Variants in MED15 observed in about 807,000 individuals in gnomAD.
MED15 encodes the protein mediator complex subunit 15, also known as mediator of RNA polymerase II transcription subunit 15.
MED15 carries 41 observed loss-of-function variants against 118.7 expected under a neutral mutation model. The observed-to-expected ratio is 0.35, with a 90% confidence interval of 0.27 to 0.45. The LOEUF is 0.45. Ranked by LOEUF, MED15 falls within the 20% of genes least tolerant of loss-of-function variation. The probability of loss-of-function intolerance (pLI) is 1.00; values close to 1 mark genes in which losing one functional copy is unlikely to be tolerated. For synonymous variants in MED15, 436 were observed against 413.9 expected, an observed-to-expected ratio of 1.05 and a Z score of -0.65; for missense variants, 740 against 1,025.5, an observed-to-expected ratio of 0.72 and a Z score of 3.80.
rs2054567469 is a variant in MED15, at chr22:20,524,598, A to G, written c.69-12519A>G. On this transcript the variant is annotated intron_variant, in intron 1 of 17. Transcript: ENST00000263205. ...GACTGTGGGGCCACTTGCAGAAGGA[A>G]TATGTGGCAGGTTTTTTTTGTTTTG... Among the ~76,000 whole-genome samples, 3 of 152,020 alleles carry G rather than the reference A, an allele frequency of 2.0e-5. No homozygotes were observed. The South Asian group carries it at 6.2e-4, about 32-fold the overall frequency.
At chr22:20,586,203 G>T (rs2057130949) in intron 17 of MED15, among the ~76,000 whole-genome samples, 1 of 152,214 alleles carries the variant, frequency 6.6e-6, no homozygotes, top group African/African-American at 2.4e-5. Context: ...TCCACTGGTA[G>T]CTTGGGCACA....
chr22:20,568,755 C>T, intron 8 of MED15, 124 bp downstream of exon 8: 1 of 1,455,242 alleles, frequency 6.9e-7, no homozygotes, highest in Non-Finnish European at 9.2e-7. Flanking sequence ...AAAGCAGGGG[C>T]TTCTCTCCCC....
chr22:20,554,758 G>A, intron 4 of MED15, 178 bp from the exon 5 acceptor site: 1 of 603,180 alleles, frequency 1.7e-6, no homozygotes. Flanking sequence ...AACACACCTG[G>A]CGTCCTAGCC....
intron 13 of MED15, chr22:20,583,728 C>T (rs1278031898): frequency 6.3e-6 from 2 of 316,282 alleles, no homozygotes; most frequent in African/African-American, 4.2e-5. Context: ...ACCTGGAGTT[C>T]TGCCCCTGAC....
intron 2 of MED15, among the ~76,000 whole-genome samples, chr22:20,541,689 C>T (rs982026358): frequency 3.0e-4 from 45 of 148,028 alleles, no homozygotes; most frequent in Middle Eastern, 3.6e-3. Flanking sequence ...CTCGCTCTGT[C>T]GCCAGGCTAG....
chr22:20,559,028 C>T (rs1397061162), intron 5 of MED15, among the ~76,000 whole-genome samples: 8 of 151,978 alleles, frequency 5.3e-5, no homozygotes, highest in South Asian at 2.1e-4. Context: ...CAGTGGCTCA[C>T]GACTACACTC....
At chr22:20,539,897 CT>C in intron 2 of MED15, among the ~76,000 whole-genome samples, 1 of 152,240 alleles carries the variant, frequency 6.6e-6, no homozygotes, top group South Asian at 2.1e-4. Context: ...TTCAGATCCT[CT>C]GTCCATTTTT....
intron 5 of MED15, among the ~76,000 whole-genome samples, chr22:20,557,513 A>G (rs2056063894): frequency 6.6e-6 from 1 of 151,946 alleles, no homozygotes; most frequent in East Asian, 1.9e-4. Flanking sequence ...TTTAGGGAGG[A>G]CCCACAGAAG....
chr22:20,521,569 A>AT (rs1202180909), intron 1 of MED15, among the ~76,000 whole-genome samples: 18 of 85,668 alleles, frequency 2.1e-4, no homozygotes, highest in South Asian at 6.7e-4. Context: ...TTTTTTTTGT[A>AT]TTTTTTTTAG....
intron 5 of MED15, among the ~76,000 whole-genome samples, chr22:20,561,912 G>A (rs945833597): frequency 1.3e-5 from 2 of 152,148 alleles, no homozygotes; most frequent in Non-Finnish European, 2.9e-5. Context: ...GATCACTTGA[G>A]CCCAGGAGGT....
At chr22:20,571,643 C>G (rs1255954419) in intron 8 of MED15, among the ~76,000 whole-genome samples, 1 of 152,248 alleles carries the variant, frequency 6.6e-6, no homozygotes, top group Non-Finnish European at 1.5e-5. Flanking sequence ...ATTGGGCACC[C>G]TCACTGCCTT....
chr22:20,571,300 C>G lies in MED15; in HGVS notation c.1152+2669C>G, dbSNP rs2056653828. ...ACTGGTCTTCCTGTCGGTTTCTCCA[C>G]CCCTTGTTTCAGGTGGAGGTCCCCG... On this transcript the variant is annotated intron_variant, in intron 8 of 17. Coordinates refer to ENST00000263205, the MANE Select transcript of MED15 (RefSeq NM_001003891.3). 1.3e-5 allele frequency among the ~76,000 whole-genome samples: 2 copies of G among 152,250 alleles called. 1 individual carries two copies. Among genetic ancestry groups the G allele is most frequent in the South Asian group, 4.1e-4 (2 of 4,830 alleles).
chr22:20,515,201 T>A (rs947967281), intron 1 of MED15, among the ~76,000 whole-genome samples: 136 of 152,190 alleles, frequency 8.9e-4, no homozygotes, highest in African/African-American at 3.1e-3. Flanking sequence ...GCGGCAGGCA[T>A]GCTATGCCAA....
At chr22:20,567,858 C>T (rs1014717707) in intron 7 of MED15, among the ~76,000 whole-genome samples, 1 of 152,116 alleles carries the variant, frequency 6.6e-6, no homozygotes, top group Non-Finnish European at 1.5e-5. Context: ...AGTTTGCCCC[C>T]CACCCCCACT....
intron 5 of MED15, among the ~76,000 whole-genome samples, chr22:20,560,802 C>T (rs969903989): frequency 2.6e-5 from 4 of 152,144 alleles, no homozygotes; most frequent in African/African-American, 9.7e-5. Flanking sequence ...AAAACTAAGG[C>T]AATGAGCAGT....
rs563073346 is a variant in MED15, at chr22:20,512,277, T to C, written c.68+4531T>C. Reference sequence around the variant, plus strand: ...CACTGGGATTACAGATGTGAGCTACTATGCCTGGCCCCTGAGCTCTTTCTT... The same window carrying C: ...CACTGGGATTACAGATGTGAGCTACCATGCCTGGCCCCTGAGCTCTTTCTT... On this transcript the variant is annotated intron_variant, in intron 1 of 17. Coordinates refer to ENST00000263205, the MANE Select transcript of MED15 (RefSeq NM_001003891.3). 4.6e-5 allele frequency among the ~76,000 whole-genome samples: 7 copies of C among 152,226 alleles called. No individual in the cohort carries two copies. In the East Asian group the frequency reaches 1.4e-3, roughly 29 times the overall value.
At chr22:20,537,024 A>G in intron 1 of MED15, 93 bp from the exon 2 acceptor site, 1 of 1,136,136 alleles carries the variant, frequency 8.8e-7, no homozygotes, top group East Asian at 2.5e-5. Flanking sequence ...CCTTGTCACC[A>G]GGGGCAGCTG....
intron 2 of MED15, among the ~76,000 whole-genome samples, chr22:20,549,591 C>T (rs1422722541): frequency 6.6e-6 from 1 of 152,114 alleles, no homozygotes; most frequent in African/African-American, 2.4e-5. Context: ...TGCGTTCAGC[C>T]CCTAGATGTT....
Position 20,586,688 on chromosome 22 carries a change from G to C in MED15, c.2351G>C (p.Cys784Ser). 1.2e-6 allele frequency: 2 copies of C among 1,612,562 alleles called. No individual in the cohort carries two copies. The highest frequency in any genetic ancestry group is 1.1e-5 in the South Asian group (1 of 91,074). Residue 784 changes from cysteine (C) to serine (S), a missense_variant, in exon 18 of 18, where the codon TGC (cysteine) becomes TCC (serine). By Grantham distance (112) the Cys-to-Ser change is moderately radical (BLOSUM62 -1). Coordinates refer to ENST00000263205, the MANE Select transcript of MED15 (RefSeq NM_001003891.3). ...NTWAQSVHQA[C>S]LSAA ...TGGGCCCAGAGCGTCCACCAGGCCTGCCTCTCAGCCGCCTAGCCAAGACTG... is the reference window on the plus strand; with the variant it reads ...TGGGCCCAGAGCGTCCACCAGGCCTCCCTCTCAGCCGCCTAGCCAAGACTG...
Sources: allele counts gnomAD v4.1 joint callset (sites outside exome capture counted in the v4.1 genomes callset), GRCh38; gene constraint gnomAD v4.1.1; transcripts MANE v1.5; gene names NCBI Gene and HGNC (gene_info 2026-07-23, HGNC 2026-07-21).